The following ARMH3 variants were observed in gnomAD, a reference collection of about 807,000 sequenced individuals.
ARMH3 encodes armadillo-like helical domain-containing protein 3.
Under a neutral mutation model 99.1 loss-of-function variants are expected in ARMH3, and 60 were observed. That is an observed-to-expected ratio of 0.61 (90% CI 0.49 to 0.75). ARMH3 has a LOEUF of 0.75. Among genes scored for constraint, ARMH3 ranks in the 30% least tolerant of loss-of-function variants. The pLI is 0.00. For missense variants in ARMH3, 679 were observed against 843.1 expected (o/e 0.81, Z 2.41); for synonymous variants, 285 against 292.8 (o/e 0.97, Z 0.27).
At chr10:101,963,459 C>T (rs1182804303) in intron 20 of ARMH3, among the ~76,000 whole-genome samples, 2 of 151,950 alleles carry the variant, frequency 1.3e-5, no homozygotes, top group South Asian at 2.1e-4. Flanking sequence ...TTAGTAGAGA[C>T]GGGGTTTCAC....
chr10:101,948,822 A>G (rs892824514), intron 22 of ARMH3, among the ~76,000 whole-genome samples: 5 of 152,172 alleles, frequency 3.3e-5, no homozygotes, highest in Non-Finnish European at 7.4e-5. Flanking sequence ...CCATTTACCA[A>G]GATAGACCAT....
intron 5 of ARMH3, chr10:102,029,370 A>T (rs2067071565): frequency 1.6e-6 from 2 of 1,234,560 alleles, no homozygotes; most frequent in Non-Finnish European, 2.2e-6. Context: ...GTTCTTAAGA[A>T]TGTATGATCA....
At chr10:101,861,017 A>C (rs1422576329) in intron 24 of ARMH3, among the ~76,000 whole-genome samples, 1 of 152,232 alleles carries the variant, frequency 6.6e-6, no homozygotes, top group African/African-American at 2.4e-5. Flanking sequence ...TGTGACCTAT[A>C]ACCAAGAGAA....
intron 24 of ARMH3, among the ~76,000 whole-genome samples, chr10:101,851,762 G>A (rs2066606074): frequency 6.6e-6 from 1 of 152,202 alleles, no homozygotes; most frequent in Admixed American, 6.5e-5. Context: ...CTAGGGCAAA[G>A]GGCTGGCCCA....
chr10:101,912,039 A>G (rs888975413), intron 23 of ARMH3, among the ~76,000 whole-genome samples: 2 of 151,734 alleles, frequency 1.3e-5, no homozygotes, highest in Non-Finnish European at 2.9e-5. Context: ...TCTCAACAAC[A>G]ACAACAACAA....
intron 19 of ARMH3, among the ~76,000 whole-genome samples, chr10:101,987,362 A>G (rs1846558606): frequency 6.6e-6 from 1 of 152,172 alleles, no homozygotes. Flanking sequence ...TTCATGACTC[A>G]GGTCAAATGC....
At chr10:101,995,215 G>A in intron 16 of ARMH3, 82 bp downstream of exon 16, 1 of 1,187,248 alleles carries the variant, frequency 8.4e-7, no homozygotes, top group South Asian at 1.3e-5. Flanking sequence ...AATGTCATGA[G>A]ACAGTAATGG....
intron 8 of ARMH3, among the ~76,000 whole-genome samples, chr10:102,022,919 T>C (rs1202654427): frequency 6.8e-6 from 1 of 147,648 alleles, no homozygotes; most frequent in Non-Finnish European, 1.5e-5. Context: ...CCAGGTGCGG[T>C]GGCTCATGCC....
intron 8 of ARMH3, among the ~76,000 whole-genome samples, chr10:102,021,836 G>A (rs767719690): frequency 1.3e-5 from 2 of 152,004 alleles, no homozygotes; most frequent in Admixed American, 6.6e-5. Flanking sequence ...ATAAGCCATC[G>A]CGCCCGGCCA....
intron 24 of ARMH3, among the ~76,000 whole-genome samples, chr10:101,874,894 G>A (rs1326714687): frequency 1.3e-5 from 2 of 152,098 alleles, no homozygotes; most frequent in African/African-American, 4.8e-5. Flanking sequence ...TGAAGACTCC[G>A]TTCATGTACA....
intron 22 of ARMH3, among the ~76,000 whole-genome samples, chr10:101,944,263 TATATATATATAG>T (rs1844385693): frequency 1.6e-5 from 1 of 64,182 alleles, no homozygotes; most frequent in African/African-American, 7.5e-5. Flanking sequence ...TATATATATA[TATATATATATAG>T]AGAGAGAGAG....
At chr10:102,011,517 A>C (rs1337890567) in intron 11 of ARMH3, among the ~76,000 whole-genome samples, 1 of 152,002 alleles carries the variant, frequency 6.6e-6, no homozygotes, top group Non-Finnish European at 1.5e-5. Context: ...ATCTCACTAA[A>C]GGTACATCAA....
intron 19 of ARMH3, among the ~76,000 whole-genome samples, chr10:101,985,211 TATGTATATATATACGTATATAC>T (rs1846430455): frequency 6.8e-6 from 1 of 146,130 alleles, no homozygotes; most frequent in Non-Finnish European, 1.5e-5. Context: ...TATACGTATA[TATGTATATATATACGTATATAC>T]ATGTATATAT....
chr10:101,920,015 A>G (rs1843243278), intron 23 of ARMH3, among the ~76,000 whole-genome samples: 4 of 152,196 alleles, frequency 2.6e-5, no homozygotes, highest in South Asian at 2.1e-4. Context: ...AGCTAATCCT[A>G]GATCAGGCCC....
At chr10:102,041,212 C>T (rs1201308163) in intron 1 of ARMH3, among the ~76,000 whole-genome samples, 5 of 150,766 alleles carry the variant, frequency 3.3e-5, no homozygotes, top group East Asian at 3.9e-4. Context: ...TCTTGCTTCA[C>T]GGAATTCTCG....
intron 1 of ARMH3, among the ~76,000 whole-genome samples, chr10:102,042,051 G>A (rs571671265): frequency 6.6e-5 from 10 of 152,204 alleles, no homozygotes; most frequent in South Asian, 2.1e-4. Context: ...TAACAATAAC[G>A]AAAAGAGAAG....
chr10:101,889,326 G>T, intron 24 of ARMH3, 86 bp downstream of exon 24: 1 of 1,334,978 alleles, frequency 7.5e-7, no homozygotes, highest in Non-Finnish European at 1.1e-6. Context: ...CAAAAGCTCA[G>T]TCACAGAATC....
chr10:102,011,859 A>T, intron 10 of ARMH3, 76 bp from the exon 11 acceptor site: 3 of 1,183,508 alleles, frequency 2.5e-6, no homozygotes, highest in Non-Finnish European at 3.6e-6. Flanking sequence ...TGGGGTAATC[A>T]GGGCAGAGCA....
chr10:101,940,813 AGAT>A (rs146829432), intron 22 of ARMH3, among the ~76,000 whole-genome samples: 4,285 of 152,322 alleles, frequency 0.028, 82 homozygotes, highest in Admixed American at 0.046. Context: ...CAGAGAGGAA[AGAT>A]AATAGAAATA....
Sources: allele counts gnomAD v4.1 joint callset (sites outside exome capture counted in the v4.1 genomes callset), GRCh38; gene constraint gnomAD v4.1.1; transcripts MANE v1.5; gene names NCBI Gene and HGNC (gene_info 2026-07-23, HGNC 2026-07-21).